The following COL27A1 variants were observed in gnomAD, a reference collection of about 807,000 sequenced individuals.
COL27A1 encodes collagen alpha-1(XXVII) chain.
A neutral mutation model predicts 251.3 loss-of-function variants in COL27A1; 106 were observed. The ratio of observed to expected loss-of-function variants is 0.42; its 90% CI spans 0.36 to 0.50. The LOEUF (loss-of-function observed/expected upper bound fraction) is 0.50, where lower values mean the gene tolerates loss of function less well. Among genes scored for constraint, COL27A1 ranks in the 20% least tolerant of loss-of-function variants. COL27A1 has a pLI of 0.00. For synonymous variants in COL27A1, 1,000 were observed against 986.3 expected (o/e 1.01, Z -0.26); for missense variants, 2,325 against 2,522.8 (o/e 0.92, Z 1.68).
chr9:114,306,140 G>T (rs1260994590), intron 57 of COL27A1: 1 of 179,160 alleles, frequency 5.6e-6, no homozygotes, highest in Non-Finnish European at 1.2e-5. Flanking sequence ...AGTGGGGGCT[G>T]TGTGACCCCC....
intron 3 of COL27A1, among the ~76,000 whole-genome samples, chr9:114,169,748 C>G (rs369672864): frequency 1.3e-5 from 2 of 152,212 alleles, no homozygotes; most frequent in African/African-American, 4.8e-5. Flanking sequence ...GGTCCAAGCC[C>G]GTTCTTTGCT....
At chr9:114,269,394 C>T in intron 35 of COL27A1, 100 bp downstream of exon 35, 1 of 767,266 alleles carries the variant, frequency 1.3e-6, no homozygotes, top group East Asian at 2.8e-5. Flanking sequence ...CCTCAGTTTC[C>T]TCAGTTACAG....
intron 3 of COL27A1, among the ~76,000 whole-genome samples, chr9:114,173,815 G>A (rs1041229548): frequency 1.3e-5 from 2 of 152,112 alleles, no homozygotes; most frequent in Non-Finnish European, 1.5e-5. Flanking sequence ...TGCACTGAGA[G>A]AACTGGGAGG....
chr9:114,182,427 G>A (rs1828002052), intron 4 of COL27A1, among the ~76,000 whole-genome samples: 1 of 151,598 alleles, frequency 6.6e-6, no homozygotes, highest in Non-Finnish European at 1.5e-5. Context: ...GTTCCCCGGA[G>A]GAGATGGCAC....
chr9:114,169,703 C>T (rs1007784342), intron 3 of COL27A1, among the ~76,000 whole-genome samples: 1 of 152,236 alleles, frequency 6.6e-6, no homozygotes, highest in Non-Finnish European at 1.5e-5. Context: ...TGGCTACCCC[C>T]AGGTGAAGAG....
chr9:114,305,936 A>G (rs1829009391), intron 57 of COL27A1, among the ~76,000 whole-genome samples: 1 of 152,180 alleles, frequency 6.6e-6, no homozygotes, highest in Non-Finnish European at 1.5e-5. Context: ...CTGGAAGCTG[A>G]GGCTTAAGGG....
chr9:114,283,844 C>T, intron 40 of COL27A1, 82 bp downstream of exon 40: 3 of 1,407,628 alleles, frequency 2.1e-6, no homozygotes, highest in Non-Finnish European at 3.0e-6. Flanking sequence ...CTCTGCCCCA[C>T]CACCTCCCAG....
At chr9:114,227,731 C>T (rs908526529) in intron 14 of COL27A1, among the ~76,000 whole-genome samples, 1 of 151,774 alleles carries the variant, frequency 6.6e-6, no homozygotes. Flanking sequence ...AAGGGCACAG[C>T]GTGTGGTGCG....
intron 27 of COL27A1, 39 bp downstream of exon 27, chr9:114,252,971 G>A: frequency 6.4e-7 from 1 of 1,554,064 alleles, no homozygotes; most frequent in Non-Finnish European, 8.8e-7. Flanking sequence ...TCAAACCACT[G>A]TCAGATAAGG....
intron 37 of COL27A1, 90 bp downstream of exon 37, chr9:114,275,858 G>A: frequency 1.3e-6 from 1 of 790,890 alleles, no homozygotes; most frequent in Non-Finnish European, 2.0e-6. Flanking sequence ...AGGGCTTTTG[G>A]TCGTGCCACT....
intron 21 of COL27A1, among the ~76,000 whole-genome samples, chr9:114,241,472 T>C (rs73656024): frequency 0.011 from 1,623 of 152,228 alleles, 27 homozygotes; most frequent in African/African-American, 0.038. Flanking sequence ...AGGCCTGGCA[T>C]GCCAGAAGGA....
chr9:114,216,834 C>T (rs1830743014), intron 12 of COL27A1, among the ~76,000 whole-genome samples: 1 of 152,196 alleles, frequency 6.6e-6, no homozygotes, highest in South Asian at 2.1e-4. Context: ...AGAACCAGTC[C>T]TCAGCATCAA....
At chr9:114,193,975 G>A (rs1284498278) in intron 5 of COL27A1, among the ~76,000 whole-genome samples, 2 of 152,168 alleles carry the variant, frequency 1.3e-5, no homozygotes, top group East Asian at 3.9e-4. Context: ...TTTGGCTAAC[G>A]ATGATTGGAG....
chr9:114,283,786 A>AC (rs1014967815), intron 40 of COL27A1, 24 bp downstream of exon 40: 5 of 1,608,864 alleles, frequency 3.1e-6, no homozygotes, highest in Admixed American at 1.7e-5. Context: ...ACCTCACCCC[A>AC]CCCCCCGACT....
intron 56 of COL27A1, among the ~76,000 whole-genome samples, chr9:114,302,726 CAA>C (rs60188308): frequency 0.4 from 55,438 of 139,020 alleles, 10,676 homozygotes; most frequent in Admixed American, 0.45. Context: ...ACAAAAAAAA[CAA>C]AAAAAAAAAA....
intron 14 of COL27A1, 60 bp downstream of exon 14, chr9:114,222,327 G>A (rs963406433): frequency 1.1e-5 from 17 of 1,504,294 alleles, no homozygotes; most frequent in Non-Finnish European, 1.6e-5. Context: ...GGTGGAGCCA[G>A]CGTGTGGGGA....
At chr9:114,233,697 A>T (rs1832128920) in intron 16 of COL27A1, among the ~76,000 whole-genome samples, 1 of 152,178 alleles carries the variant, frequency 6.6e-6, no homozygotes. Context: ...CATGGAAATA[A>T]ATGTGTTACA....
At chr9:114,281,719 G>A (rs1835922308) in intron 37 of COL27A1, among the ~76,000 whole-genome samples, 1 of 152,204 alleles carries the variant, frequency 6.6e-6, no homozygotes, top group Non-Finnish European at 1.5e-5. Flanking sequence ...TGAGCCAGGG[G>A]TGGTAAGAGC....
intron 13 of COL27A1, 26 bp downstream of exon 13, chr9:114,219,870 A>G: frequency 6.4e-7 from 1 of 1,570,228 alleles, no homozygotes; most frequent in Non-Finnish European, 8.8e-7. Flanking sequence ...CTTTGGGAAC[A>G]GGAGCGAGAT....
Sources: allele counts gnomAD v4.1 joint callset (sites outside exome capture counted in the v4.1 genomes callset), GRCh38; gene constraint gnomAD v4.1.1; transcripts MANE v1.5; gene names NCBI Gene and HGNC (gene_info 2026-07-23, HGNC 2026-07-21).